Variants in SUSD4 observed in about 807,000 individuals in gnomAD.
SUSD4 encodes sushi domain-containing protein 4.
SUSD4 carries 41 observed loss-of-function variants against 50.5 expected under a neutral mutation model. The observed-to-expected ratio is 0.81, with a 90% CI of 0.63 to 1.05. The LOEUF is 1.05. Ranked by LOEUF, SUSD4 falls within the 50% of genes least tolerant of loss-of-function variation. The pLI, the probability that SUSD4 is intolerant of heterozygous loss-of-function variation, is 0.00. For missense variants in SUSD4, 580 were observed against 634.7 expected, an observed-to-expected ratio of 0.91 and a Z score of 0.93; for synonymous variants, 257 against 257.3, an observed-to-expected ratio of 1.00 and a Z score of 0.01.
intron 2 of SUSD4, among the ~76,000 whole-genome samples, chr1:223,310,257 G>A (rs1180641557): frequency 1.3e-5 from 2 of 152,152 alleles, no homozygotes; most frequent in African/African-American, 2.4e-5. Flanking sequence ...CAGCTGTGAT[G>A]CTATGACCTT....
chr1:223,294,834 G>C (rs1349419632), intron 2 of SUSD4, among the ~76,000 whole-genome samples: 1 of 152,142 alleles, frequency 6.6e-6, no homozygotes, highest in African/African-American at 2.4e-5. Flanking sequence ...CCAGCAGAGG[G>C]GTATTTGAAA....
chr1:223,268,042 T>TATATATATATAC lies in SUSD4; in HGVS notation c.535+459_535+460insGTATATATATAT, dbSNP rs869264392. On this transcript the variant is annotated intron_variant, in intron 4 of 8. Coordinates refer to ENST00000366878, the MANE Select transcript of SUSD4 (RefSeq NM_017982.4). ...ATATATATATATATATATATATATA[T>TATATATATATAC]ACACACACACTGTTAAGAGAAAACA... Among the ~76,000 whole-genome samples, 45 of 106,840 alleles carry TATATATATATAC rather than the reference T, an allele frequency of 4.2e-4. 1 individual carries two copies. Among genetic ancestry groups the TATATATATATAC allele is most frequent in the African/African-American group, 1.8e-3 (43 of 24,230 alleles). The allele number at this position is 106,840 out of a possible 152,430, so 70.1% of individuals were successfully genotyped here.
At chr1:223,307,364 C>T (rs541202703) in intron 2 of SUSD4, among the ~76,000 whole-genome samples, 10 of 152,298 alleles carry the variant, frequency 6.6e-5, no homozygotes, top group African/African-American at 2.2e-4. Flanking sequence ...GTTTACAATG[C>T]GTTTTACATA....
intron 3 of SUSD4, among the ~76,000 whole-genome samples, chr1:223,280,171 GCAT>G (rs1376415408): frequency 6.6e-6 from 1 of 152,166 alleles, no homozygotes; most frequent in East Asian, 1.9e-4. Context: ...GGAAGAAACT[GCAT>G]CAACTAATGA....
intron 2 of SUSD4, among the ~76,000 whole-genome samples, chr1:223,346,987 T>A (rs1309868415): frequency 6.6e-6 from 1 of 151,998 alleles, no homozygotes; most frequent in African/African-American, 2.4e-5. Context: ...TTCACAAATA[T>A]TTTTTTTCAT....
In SUSD4 at chr1:223,310,552, T is replaced by C. The variant is rs989477904; in HGVS notation, c.149-17901A>G. 2.0e-5 allele frequency among the ~76,000 whole-genome samples: 3 copies of C among 152,256 alleles called. No individual in the cohort carries two copies. The East Asian group carries it at 5.8e-4, about 29-fold the overall frequency. On this transcript the variant is annotated intron_variant, in intron 2 of 8. Transcript: ENST00000366878. ...ATACAATACAAAAGTGTATACAGCA[T>C]GATTCTTTTTTGAGGGAATACACAA...
chr1:223,298,869 AG>A (rs1665007450), intron 2 of SUSD4, among the ~76,000 whole-genome samples: 1 of 152,222 alleles, frequency 6.6e-6, no homozygotes, highest in Non-Finnish European at 1.5e-5. Context: ...TCTGTTTTCA[AG>A]TAAGCATAGT....
rs1660390167 is a variant in SUSD4, at chr1:223,238,869, A to T, written c.725-9481T>A. Among the ~76,000 whole-genome samples, 3 of 151,980 alleles carry T rather than the reference A, an allele frequency of 2.0e-5. No homozygotes were observed. The South Asian group carries it at 6.2e-4, about 31-fold the overall frequency. ...TATTGTTTGATGATTGATGGTGTTG[A>T]AATCAGTTATGTCCTCACTGATTTT... On this transcript the variant is annotated intron_variant, in intron 5 of 8. Transcript: ENST00000366878.
Position 223,222,150 on chromosome 1 carries a change from T to C in SUSD4, c.*42A>G. On this transcript the variant is annotated 3_prime_UTR_variant, in exon 9 of 9. Coordinates refer to ENST00000366878, the MANE Select transcript of SUSD4 (RefSeq NM_017982.4). The stretch of plus-strand genomic sequence containing the variant: ...ACCTCACTCCAAGATACAAGGTCCT[T>C]TCCCCGAAGGAGCAGGAGAGTCATC... The C allele has an allele frequency of 6.2e-7, 1 of 1,605,156 alleles. No individual in the cohort carries two copies. Among genetic ancestry groups the C allele is most frequent in the Non-Finnish European group, 8.5e-7 (1 of 1,175,828 alleles).
intron 5 of SUSD4, among the ~76,000 whole-genome samples, chr1:223,246,783 G>A (rs1660965766): frequency 6.6e-6 from 1 of 152,166 alleles, no homozygotes; most frequent in African/African-American, 2.4e-5. Context: ...GGGGGGCTGA[G>A]ATGAGAACTA....
intron 4 of SUSD4, among the ~76,000 whole-genome samples, chr1:223,265,219 G>C (rs527848700): frequency 2.6e-5 from 4 of 152,318 alleles, no homozygotes; most frequent in African/African-American, 9.6e-5. Flanking sequence ...CCGAGGTGCT[G>C]TAAGAGGAAA....
At chr1:223,228,327 T>C (rs1053983472) in intron 6 of SUSD4, among the ~76,000 whole-genome samples, 5 of 152,222 alleles carry the variant, frequency 3.3e-5, no homozygotes, top group Non-Finnish European at 4.4e-5. Context: ...TGCCTTGTCA[T>C]GACCACCCTC....
intron 5 of SUSD4, among the ~76,000 whole-genome samples, chr1:223,255,024 T>TA (rs1323296555): frequency 5.3e-5 from 8 of 152,202 alleles, no homozygotes; most frequent in Non-Finnish European, 1.0e-4. Flanking sequence ...AAGGTGATAG[T>TA]AACACGAACA....
chr1:223,358,070 CA>C (rs1356194656), intron 2 of SUSD4, among the ~76,000 whole-genome samples: 1 of 152,142 alleles, frequency 6.6e-6, no homozygotes, highest in Non-Finnish European at 1.5e-5. Context: ...CAATAAATAA[CA>C]CTAACACGGA....
chr1:223,356,014 T>C (rs1668645004), intron 2 of SUSD4, among the ~76,000 whole-genome samples: 1 of 152,242 alleles, frequency 6.6e-6, no homozygotes, highest in Admixed American at 6.5e-5. Flanking sequence ...TCATCTATAA[T>C]GGCACTCCCA....
At chr1:223,334,257 G>A (rs561501333) in intron 2 of SUSD4, among the ~76,000 whole-genome samples, 1 of 151,994 alleles carries the variant, frequency 6.6e-6, no homozygotes, top group Non-Finnish European at 1.5e-5. Flanking sequence ...TAGCTGAAAA[G>A]CTTCAACAAA....
At chr1:223,261,588 A>G (rs1192793116) in intron 5 of SUSD4, among the ~76,000 whole-genome samples, 2 of 152,232 alleles carry the variant, frequency 1.3e-5, no homozygotes, top group Admixed American at 1.3e-4. Flanking sequence ...TAAGCTCTCA[A>G]AATTAATGGT....
At chr1:223,358,169 T>C (rs943341812) in intron 2 of SUSD4, among the ~76,000 whole-genome samples, 2 of 152,230 alleles carry the variant, frequency 1.3e-5, no homozygotes, top group African/African-American at 2.4e-5. Context: ...CCAACGCTTA[T>C]CTGAATGTTT....
At chr1:223,234,998 G>A in intron 5 of SUSD4, 4 of 1,608,558 alleles carry the variant, frequency 2.5e-6, no homozygotes, top group Non-Finnish European at 3.4e-6. Context: ...GGTAGGTGCT[G>A]GGGTGGGAGA....
Sources: allele counts gnomAD v4.1 joint callset (sites outside exome capture counted in the v4.1 genomes callset), GRCh38; gene constraint gnomAD v4.1.1; transcripts MANE v1.5; gene names NCBI Gene and HGNC (gene_info 2026-07-23, HGNC 2026-07-21).